The following PLCL1 variants were observed in gnomAD, a reference collection of about 807,000 sequenced individuals.
The protein encoded by PLCL1 is phospholipase C like 1 (inactive), also known as inactive phospholipase C-like protein 1.
PLCL1 carries 41 observed loss-of-function variants against 84.4 expected under a neutral mutation model. That is an observed-to-expected ratio of 0.49 (90% confidence interval 0.38 to 0.63). The LOEUF (loss-of-function observed/expected upper bound fraction) is 0.63. Ranked by LOEUF, PLCL1 falls within the 30% of genes least tolerant of loss-of-function variation. The probability of loss-of-function intolerance (pLI) is 0.00; values close to 1 mark genes in which losing one functional copy is unlikely to be tolerated. For missense variants in PLCL1, 1,206 were observed against 1,367.8 expected, an observed-to-expected ratio of 0.88 and a Z score of 1.87; for synonymous variants, 490 against 488.3, an observed-to-expected ratio of 1.00 and a Z score of -0.05.
intron 3 of PLCL1, among the ~76,000 whole-genome samples, chr2:198,091,549 A>G (rs1207619921): frequency 6.6e-6 from 1 of 150,758 alleles, no homozygotes; most frequent in Non-Finnish European, 1.5e-5. Flanking sequence ...GCATGGTGGC[A>G]CCCGCCTGTA....
intron 5 of PLCL1, among the ~76,000 whole-genome samples, chr2:198,117,862 A>G (rs1334629974): frequency 6.6e-6 from 1 of 151,792 alleles, no homozygotes; most frequent in Non-Finnish European, 1.5e-5. Context: ...GAAACTAGAG[A>G]GGGAAAAAGC....
chr2:198,010,888 CT>C (rs907782924), intron 1 of PLCL1, among the ~76,000 whole-genome samples: 19 of 151,146 alleles, frequency 1.3e-4, no homozygotes, highest in African/African-American at 4.6e-4. Context: ...AGGAATTTGT[CT>C]TTTTTTAGAT....
At chr2:197,989,791 A>C (rs1690299092) in intron 1 of PLCL1, among the ~76,000 whole-genome samples, 1 of 152,186 alleles carries the variant, frequency 6.6e-6, no homozygotes, top group Non-Finnish European at 1.5e-5. Context: ...GCCTTTGTGA[A>C]TAGCTGCGAT....
chr2:197,945,876 A>G (rs1412509568), intron 1 of PLCL1, among the ~76,000 whole-genome samples: 1 of 152,176 alleles, frequency 6.6e-6, no homozygotes, highest in African/African-American at 2.4e-5. Context: ...ATTTATATTA[A>G]TACACTTTAA....
intron 3 of PLCL1, among the ~76,000 whole-genome samples, chr2:198,090,771 A>G (rs1052273797): frequency 6.6e-6 from 1 of 152,240 alleles, no homozygotes; most frequent in Admixed American, 6.5e-5. Context: ...AGTAGAAATC[A>G]CTTATTCCTC....
At chr2:198,022,135 A>T (rs1456049095) in intron 1 of PLCL1, among the ~76,000 whole-genome samples, 1 of 152,220 alleles carries the variant, frequency 6.6e-6, no homozygotes, top group African/African-American at 2.4e-5. Flanking sequence ...GACAAAAACC[A>T]CATGATTATC....
chr2:197,814,515 A>C (rs1690650202), intron 1 of PLCL1, among the ~76,000 whole-genome samples: 1 of 152,174 alleles, frequency 6.6e-6, no homozygotes, highest in Non-Finnish European at 1.5e-5. Flanking sequence ...AGACACAACA[A>C]TATTGAAATT....
At position 198,026,794 on chromosome 2, in the gene PLCL1, G is replaced by A. The variant is rs185287712; in HGVS notation, c.241-56964G>A. On this transcript the variant is annotated intron_variant, in intron 1 of 5. Transcript: ENST00000428675. ...CAACATTACTAATCATCAGGGAAAT[G>A]CAAATTAAATTTAGAATGAGATATC... 2.0e-3 allele frequency among the ~76,000 whole-genome samples: 299 copies of A among 152,258 alleles called. 1 individual carries two copies. The highest frequency in any genetic ancestry group is 6.7e-3 in the African/African-American group (279 of 41,560).
chr2:198,115,524 T>A (rs879615680), intron 5 of PLCL1, among the ~76,000 whole-genome samples: 2 of 151,866 alleles, frequency 1.3e-5, no homozygotes, highest in Non-Finnish European at 2.9e-5. Context: ...AGGGCTCAGA[T>A]AAAGTTGAGC....
chr2:198,146,687 C>T, intron 5 of PLCL1, 93 bp from the exon 6 acceptor site: 1 of 1,007,142 alleles, frequency 9.9e-7, no homozygotes, highest in Non-Finnish European at 1.4e-6. Context: ...TTTCCTTATT[C>T]AGCAATGGGC....
intron 1 of PLCL1, among the ~76,000 whole-genome samples, chr2:198,023,342 A>G (rs1227884655): frequency 6.6e-6 from 1 of 152,260 alleles, no homozygotes; most frequent in African/African-American, 2.4e-5. Flanking sequence ...AGCATGGGCA[A>G]AGACTTCAAG....
At chr2:197,806,750 T>G (rs909830851) in intron 1 of PLCL1, among the ~76,000 whole-genome samples, 2 of 152,236 alleles carry the variant, frequency 1.3e-5, no homozygotes, top group Non-Finnish European at 2.9e-5. Flanking sequence ...CATTTTGGAT[T>G]CTACTGTATT....
chr2:198,100,354 G>A (rs1485219707), intron 3 of PLCL1, among the ~76,000 whole-genome samples: 2 of 152,000 alleles, frequency 1.3e-5, no homozygotes, highest in African/African-American at 4.8e-5. Context: ...GAATGTTTTG[G>A]GAATATGGGG....
chr2:198,124,040 A>G (rs926245828), intron 5 of PLCL1, among the ~76,000 whole-genome samples: 3 of 152,100 alleles, frequency 2.0e-5, no homozygotes, highest in Non-Finnish European at 4.4e-5. Flanking sequence ...CTAGGAGGAG[A>G]AAGCTAACGT....
At chr2:198,006,040 A>G (rs1690721163) in intron 1 of PLCL1, among the ~76,000 whole-genome samples, 1 of 152,218 alleles carries the variant, frequency 6.6e-6, no homozygotes, top group Non-Finnish European at 1.5e-5. Flanking sequence ...ATATTCAGAG[A>G]TGATTCCTAG....
chr2:197,981,869 CT>C lies in PLCL1; in HGVS notation c.241-101887del, dbSNP rs1334986114. On this transcript the variant is annotated intron_variant, in intron 1 of 5. Coordinates refer to ENST00000428675, the MANE Select transcript of PLCL1 (RefSeq NM_006226.4). ...TTATAACCCAGGAGAGGCCAGCTGT[CT>C]TATCTAAAGTCACAACCTAGAAGGG... Among the ~76,000 whole-genome samples, 9 of 152,264 alleles carry C rather than the reference CT, an allele frequency of 5.9e-5. No individual in the cohort carries two copies. In the East Asian group the frequency reaches 1.7e-3, roughly 29 times the overall value.
intron 5 of PLCL1, among the ~76,000 whole-genome samples, chr2:198,146,578 A>G (rs1694521368): frequency 6.6e-6 from 1 of 152,190 alleles, no homozygotes; most frequent in South Asian, 2.1e-4. Context: ...GGTCAGGCTC[A>G]GGTTGAGGTA....
chr2:198,069,674 G>GA (rs1487804647), intron 1 of PLCL1, among the ~76,000 whole-genome samples: 4 of 151,922 alleles, frequency 2.6e-5, no homozygotes, highest in Non-Finnish European at 5.9e-5. Context: ...TTAGTTTTTT[G>GA]AAAAAATATA....
chr2:197,997,303 A>G (rs879098477), intron 1 of PLCL1, among the ~76,000 whole-genome samples: 4 of 152,152 alleles, frequency 2.6e-5, no homozygotes, highest in Admixed American at 2.6e-4. Context: ...TTTGCTTGCT[A>G]TCCTAAATGC....
Sources: allele counts gnomAD v4.1 joint callset (sites outside exome capture counted in the v4.1 genomes callset), GRCh38; gene constraint gnomAD v4.1.1; transcripts MANE v1.5; gene names NCBI Gene and HGNC (gene_info 2026-07-23, HGNC 2026-07-21).